FBXL17: variants seen among roughly 807,000 people sequenced by gnomAD.
FBXL17 encodes the protein F-box/LRR-repeat protein 17.
Under a neutral mutation model 66.2 loss-of-function variants are expected in FBXL17, and 22 were observed. That is an observed-to-expected ratio of 0.33 (90% CI 0.24 to 0.47). FBXL17 has a LOEUF of 0.47. Ranked by LOEUF, FBXL17 falls within the 20% of genes least tolerant of loss-of-function variation. The pLI is 1.00. For missense variants in FBXL17, 878 were observed against 948.2 expected (o/e 0.93, Z 0.97); for synonymous variants, 474 against 400.5 (o/e 1.18, Z -2.19).
At chr5:108,232,577 A>C (rs981273286) in intron 4 of FBXL17, among the ~76,000 whole-genome samples, 2 of 151,514 alleles carry the variant, frequency 1.3e-5, no homozygotes, top group Non-Finnish European at 2.9e-5. Flanking sequence ...GTGAATATAA[A>C]GCAGGCAGAA....
intron 7 of FBXL17, among the ~76,000 whole-genome samples, chr5:107,915,859 T>A (rs1750109167): frequency 6.6e-6 from 1 of 152,186 alleles, no homozygotes; most frequent in Non-Finnish European, 1.5e-5. Flanking sequence ...CAGGCTGACA[T>A]CTATTGGTTC....
intron 7 of FBXL17, among the ~76,000 whole-genome samples, chr5:107,973,283 T>C (rs1223468080): frequency 6.6e-6 from 1 of 152,128 alleles, no homozygotes; most frequent in East Asian, 1.9e-4. Flanking sequence ...ACATGCAGTC[T>C]AGGATGGCTT....
intron 7 of FBXL17, among the ~76,000 whole-genome samples, chr5:107,907,837 A>T (rs1038168715): frequency 6.6e-6 from 1 of 152,052 alleles, no homozygotes; most frequent in Non-Finnish European, 1.5e-5. Flanking sequence ...ACACTTTTAC[A>T]CTGTTGGTGG....
At position 107,871,057 on chromosome 5, in the gene FBXL17, C is replaced by CAAAAAAAAAAA. The variant is rs201752049; in HGVS notation, c.1966-9208_1966-9198dup. ...GGTAAGAAATATTACTCTTGGGCGG[C>CAAAAAAAAAAA]AAAAAAAAAAAAAAAAAAAAAACCT... On this transcript the variant is annotated intron_variant, in intron 8 of 8. Transcript: ENST00000542267. Among the ~76,000 whole-genome samples, 32 of 65,888 alleles carry CAAAAAAAAAAA rather than the reference C, an allele frequency of 4.9e-4. 4 individuals carry two copies. The highest frequency in any genetic ancestry group is 1.4e-3 in the African/African-American group (19 of 13,326). The allele number at this position is 65,888 out of a possible 152,430, so 43.2% of individuals were successfully genotyped here.
chr5:108,109,757 T>C (rs934286906), intron 6 of FBXL17, among the ~76,000 whole-genome samples: 1 of 152,198 alleles, frequency 6.6e-6, no homozygotes, highest in African/African-American at 2.4e-5. Flanking sequence ...AATTACATTA[T>C]TGCATTAGCT....
chr5:108,357,405 T>C (rs1211849788), intron 3 of FBXL17, among the ~76,000 whole-genome samples: 1 of 151,996 alleles, frequency 6.6e-6, no homozygotes, highest in East Asian at 1.9e-4. Flanking sequence ...TTAATATCCT[T>C]CTATCTGAAA....
intron 7 of FBXL17, among the ~76,000 whole-genome samples, chr5:107,993,212 T>C (rs1753330450): frequency 6.6e-6 from 1 of 152,148 alleles, no homozygotes; most frequent in African/African-American, 2.4e-5. Context: ...CTTTTCTAAG[T>C]CCTATCACTT....
intron 6 of FBXL17, among the ~76,000 whole-genome samples, chr5:108,130,188 A>G (rs1271100545): frequency 6.6e-6 from 1 of 151,886 alleles, no homozygotes. Context: ...AGAAAACATT[A>G]AACAGGTTTG....
At chr5:108,216,345 G>A (rs972502015) in intron 5 of FBXL17, among the ~76,000 whole-genome samples, 7 of 151,950 alleles carry the variant, frequency 4.6e-5, no homozygotes, top group African/African-American at 1.7e-4. Context: ...CATTATGTAG[G>A]TCTTCTTTAA....
intron 4 of FBXL17, among the ~76,000 whole-genome samples, chr5:108,224,752 C>T (rs10075907): frequency 2.6e-5 from 4 of 151,598 alleles, no homozygotes; most frequent in Non-Finnish European, 5.9e-5. Flanking sequence ...TCACCACACC[C>T]AACTAGTTTT....
At chr5:107,925,326 T>C (rs1045251938) in intron 7 of FBXL17, among the ~76,000 whole-genome samples, 1 of 152,228 alleles carries the variant, frequency 6.6e-6, no homozygotes, top group Non-Finnish European at 1.5e-5. Context: ...CGATTCTATG[T>C]ATTTTGATCT....
chr5:108,224,521 ATATG>A (rs1188147338), intron 4 of FBXL17, among the ~76,000 whole-genome samples: 2 of 140,038 alleles, frequency 1.4e-5, no homozygotes, highest in Non-Finnish European at 3.0e-5. Flanking sequence ...ATATATATGT[ATATG>A]TATACACACA....
intron 6 of FBXL17, among the ~76,000 whole-genome samples, chr5:108,115,202 C>G (rs554134292): frequency 3.2e-4 from 49 of 152,174 alleles, no homozygotes; most frequent in African/African-American, 1.2e-3. Context: ...TTCACCTCTT[C>G]CTAGTACCCA....
intron 6 of FBXL17, among the ~76,000 whole-genome samples, chr5:108,092,788 T>C (rs931569697): frequency 6.6e-6 from 1 of 152,110 alleles, no homozygotes; most frequent in Admixed American, 6.5e-5. Flanking sequence ...AGAATGAAAA[T>C]AAGCAGTAAC....
chr5:107,879,186 AG>A, intron 8 of FBXL17: 1 of 985,434 alleles, frequency 1.0e-6, no homozygotes. Flanking sequence ...AACCATCTAA[AG>A]ATTACAGGTT....
At chr5:108,123,884 G>A (rs1750597005) in intron 6 of FBXL17, among the ~76,000 whole-genome samples, 1 of 152,102 alleles carries the variant, frequency 6.6e-6, no homozygotes, top group African/African-American at 2.4e-5. Flanking sequence ...CTAACAAAAT[G>A]AAGAATTTTA....
At chr5:108,124,653 T>G (rs1206688837) in intron 6 of FBXL17, among the ~76,000 whole-genome samples, 1 of 152,080 alleles carries the variant, frequency 6.6e-6, no homozygotes, top group Non-Finnish European at 1.5e-5. Context: ...ACCTGTACAT[T>G]GAAAATATTT....
chr5:107,881,139 A>G lies in FBXL17; in HGVS notation c.1863T>C (p.Thr621=), dbSNP rs1748776987. ...AIGRYSMTIE[T]VDVGWCKEIT... is the part of the protein sequence containing the mutation. ...TTTCTTTACACCATCCGACATCCACAGTCTCTATTGTCATGCTGTATCGCC... is the reference window on the plus strand; with the variant it reads ...TTTCTTTACACCATCCGACATCCACGGTCTCTATTGTCATGCTGTATCGCC... The change falls in exon 8 of 9, where the codon ACT becomes ACC. Residue 621 remains threonine (T), a synonymous_variant. Coordinates refer to ENST00000542267, the MANE Select transcript of FBXL17 (RefSeq NM_001163315.3). The G allele has an allele frequency of 6.2e-7, 1 of 1,613,786 alleles. No homozygotes were observed. Among genetic ancestry groups the G allele is most frequent in the African/African-American group, 1.3e-5 (1 of 75,054 alleles).
chr5:107,885,495 G>A (rs60760521), intron 7 of FBXL17, among the ~76,000 whole-genome samples: 3,934 of 152,244 alleles, frequency 0.026, 196 homozygotes, highest in African/African-American at 0.091. Context: ...ATTGCAAAAT[G>A]ATGGTAACAG....
Sources: gnomAD v4.1 joint callset for allele counts (sites outside exome capture counted in the v4.1 genomes callset) on GRCh38, gnomAD v4.1.1 for gene constraint, MANE v1.5 for transcripts, NCBI Gene and HGNC (gene_info 2026-07-23, HGNC 2026-07-21) for gene names.